Variants in RB1 observed in about 807,000 individuals in gnomAD.
RB1 encodes RB transcriptional corepressor 1.
A neutral mutation model predicts 135.4 loss-of-function variants in RB1; 18 were observed. That is an observed-to-expected ratio of 0.13 (90% CI 0.09 to 0.20). The LOEUF is 0.20. RB1 is among the 10% of genes least tolerant of loss of function. RB1 has a pLI of 1.00. For synonymous variants in RB1, 365 were observed against 373.2 expected (o/e 0.98, Z 0.25); for missense variants, 868 against 1,110.0 (o/e 0.78, Z 3.10).
chr13:48,317,602 T>C, intron 2 of RB1: 1 of 453,056 alleles, frequency 2.2e-6, no homozygotes, highest in South Asian at 2.3e-5. Flanking sequence ...TCGTGAGCGC[T>C]GGTCTTTCTG....
At chr13:48,460,308 G>A (rs1949397011) in intron 20 of RB1, among the ~76,000 whole-genome samples, 1 of 152,030 alleles carries the variant, frequency 6.6e-6, no homozygotes, top group Non-Finnish European at 1.5e-5. Context: ...AGATTCAAAT[G>A]AGAAACTAGA....
chr13:48,341,686 A>T (rs989515502), intron 2 of RB1, among the ~76,000 whole-genome samples: 17 of 152,006 alleles, frequency 1.1e-4, no homozygotes, highest in Non-Finnish European at 2.5e-4. Context: ...TTAGAGTTGG[A>T]TGGTGGTAAA....
chr13:48,479,896 C>T (rs1332831084), intron 26 of RB1, 102 bp from the exon 27 acceptor site: 1 of 870,184 alleles, frequency 1.1e-6, no homozygotes, highest in Non-Finnish European at 1.9e-6. Flanking sequence ...TTGCAAGGTC[C>T]TGAGCGCCAT....
intron 23 of RB1, among the ~76,000 whole-genome samples, chr13:48,472,817 C>T (rs1197332876): frequency 6.6e-6 from 1 of 152,070 alleles, no homozygotes; most frequent in African/African-American, 2.4e-5. Context: ...TTTGTCGAGT[C>T]ATGTCAGGCT....
chr13:48,393,952 T>C (rs2138165145), intron 17 of RB1, among the ~76,000 whole-genome samples: 1 of 152,308 alleles, frequency 6.6e-6, no homozygotes. Context: ...ATACTTAGGA[T>C]GGGCTGGCAA....
intron 17 of RB1, chr13:48,411,831 A>G: frequency 6.2e-7 from 1 of 1,613,230 alleles, no homozygotes; most frequent in Non-Finnish European, 8.5e-7. Flanking sequence ...TACATTTAAA[A>G]TTAGAGGAAT....
chr13:48,400,609 A>G (rs1184398097), intron 17 of RB1, among the ~76,000 whole-genome samples: 1 of 152,108 alleles, frequency 6.6e-6, no homozygotes, highest in African/African-American at 2.4e-5. Flanking sequence ...TGGAAGTGTA[A>G]ACACTGCTAT....
At chr13:48,447,239 T>C (rs1238099173) in intron 17 of RB1, among the ~76,000 whole-genome samples, 1 of 152,166 alleles carries the variant, frequency 6.6e-6, no homozygotes, top group African/African-American at 2.4e-5. Context: ...GCAGTCGTTT[T>C]TGGGGGGTGG....
intron 5 of RB1, 93 bp downstream of exon 5, chr13:48,347,956 G>A (rs1952513137): frequency 7.6e-6 from 7 of 922,816 alleles, no homozygotes; most frequent in Admixed American, 4.2e-5. Context: ...TAGTTTGATC[G>A]ATTATAGCAG....
chr13:48,325,748 A>T (rs1195295500), intron 2 of RB1, among the ~76,000 whole-genome samples: 1 of 151,800 alleles, frequency 6.6e-6, no homozygotes, highest in Non-Finnish European at 1.5e-5. Context: ...TTGTTGAGAG[A>T]CATTTAGTTT....
chr13:48,465,614 G>A (rs528581861), intron 23 of RB1, among the ~76,000 whole-genome samples: 1 of 152,178 alleles, frequency 6.6e-6, no homozygotes, highest in South Asian at 2.1e-4. Context: ...CGACGCAGAA[G>A]ACGGGTGATT....
chr13:48,379,459 A>C, intron 13 of RB1, 135 bp from the exon 14 acceptor site: 2 of 1,148,786 alleles, frequency 1.7e-6, no homozygotes, highest in Non-Finnish European at 2.4e-6. Context: ...CCAAAGCAGG[A>C]GGATCTCTTG....
At position 48,328,135 on chromosome 13, in the gene RB1, G is replaced by A. The variant is rs1952303644; in HGVS notation, c.265-14464G>A. 7 of 1,189,744 alleles carry A rather than the reference G, an allele frequency of 5.9e-6. No homozygotes were observed. In the South Asian group the frequency reaches 7.3e-5, roughly 12 times the overall value. The allele number at this position is 1,189,744 out of a possible 1,614,324, so 73.7% of individuals were successfully genotyped here. A position where few individuals can be genotyped will look rare whatever the true frequency, so the allele number is the denominator to read the frequency against. Reference sequence around the variant, plus strand: ...TGAGATTTTATATTCCACTCCCATAGCTTCTGGTTATCAGAAAACCCATGC... The same window carrying A: ...TGAGATTTTATATTCCACTCCCATAACTTCTGGTTATCAGAAAACCCATGC... On this transcript the variant is annotated intron_variant, in intron 2 of 26. Transcript: ENST00000267163.
At chr13:48,352,974 G>A (rs977921069) in intron 6 of RB1, among the ~76,000 whole-genome samples, 13 of 152,070 alleles carry the variant, frequency 8.5e-5, no homozygotes, top group African/African-American at 3.1e-4. Flanking sequence ...CATTCAGTAT[G>A]ATGTTGGCTG....
rs4151557 is a variant in RB1, at chr13:48,436,206, T to C, written c.1696-16787T>C. ...GTTGGTGATGAAGGAAATGAGTTCATGTTAATGTTTGAACCTATTATATTT... is the reference window on the plus strand; with the variant it reads ...GTTGGTGATGAAGGAAATGAGTTCACGTTAATGTTTGAACCTATTATATTT... On this transcript the variant is annotated intron_variant, in intron 17 of 26. Transcript: ENST00000267163. 1.0e-2 allele frequency among the ~76,000 whole-genome samples: 1,516 copies of C among 152,336 alleles called. 37 individuals carry two copies. The highest frequency in any genetic ancestry group is 0.035 in the African/African-American group (1,438 of 41,564).
At chr13:48,440,324 T>C (rs1287106788) in intron 17 of RB1, among the ~76,000 whole-genome samples, 1 of 152,196 alleles carries the variant, frequency 6.6e-6, no homozygotes, top group Non-Finnish European at 1.5e-5. Flanking sequence ...ATTTGGGAGA[T>C]AACTTTTGCT....
chr13:48,414,359 A>G (rs919571774), intron 17 of RB1, among the ~76,000 whole-genome samples: 12 of 151,090 alleles, frequency 7.9e-5, no homozygotes, highest in African/African-American at 2.7e-4. Context: ...AAAAAAAAAA[A>G]GTATACTTAT....
At chr13:48,349,381 A>G (rs762689192) in intron 6 of RB1, among the ~76,000 whole-genome samples, 1 of 151,912 alleles carries the variant, frequency 6.6e-6, no homozygotes, top group Non-Finnish European at 1.5e-5. Flanking sequence ...GATAATCGGC[A>G]TTAAAATTAC....
chr13:48,459,983 T>TTTTTG (rs1949394294), intron 20 of RB1, 150 bp downstream of exon 20: 1 of 594,586 alleles, frequency 1.7e-6, no homozygotes, highest in African/African-American at 2.2e-5. Context: ...TTCTTTCTTT[T>TTTTTG]TTTTGAGATA....
Sources: gnomAD v4.1 joint callset for allele counts (sites outside exome capture counted in the v4.1 genomes callset) on GRCh38, gnomAD v4.1.1 for gene constraint, MANE v1.5 for transcripts, NCBI Gene and HGNC (gene_info 2026-07-23, HGNC 2026-07-21) for gene names.